VEPH1: variants seen among roughly 807,000 people sequenced by gnomAD.
VEPH1 encodes ventricular zone expressed PH domain containing 1, also known as ventricular zone-expressed PH domain-containing protein homolog 1.
Under a neutral mutation model 85.2 loss-of-function variants are expected in VEPH1, and 80 were observed. The ratio of observed to expected loss-of-function variants is 0.94; its 90% CI spans 0.78 to 1.13. VEPH1 has a LOEUF of 1.13. Ranked by LOEUF, VEPH1 falls within the 50% of genes most tolerant of loss-of-function variation. The pLI is 0.00. For synonymous variants in VEPH1, 297 were observed against 348.0 expected (o/e 0.85, Z 1.63); for missense variants, 955 against 980.5 (o/e 0.97, Z 0.35).
chr3:157,451,352 T>A (rs1734953846), intron 4 of VEPH1, among the ~76,000 whole-genome samples: 1 of 152,142 alleles, frequency 6.6e-6, no homozygotes, highest in Non-Finnish European at 1.5e-5. Context: ...CTTTAATCCT[T>A]CCTCCAAGAA....
At chr3:157,341,442 C>T (rs1487589258) in intron 9 of VEPH1, among the ~76,000 whole-genome samples, 10 of 152,042 alleles carry the variant, frequency 6.6e-5, no homozygotes, top group Non-Finnish European at 1.5e-4. Context: ...AAGATCAAAT[C>T]AATGGAACGA....
chr3:157,354,557 T>G (rs1725219201), intron 9 of VEPH1, among the ~76,000 whole-genome samples: 1 of 152,162 alleles, frequency 6.6e-6, no homozygotes, highest in African/African-American at 2.4e-5. Context: ...ATGTCTCCAT[T>G]GCAAAATCAC....
At chr3:157,425,188 T>C (rs893547423) in intron 5 of VEPH1, among the ~76,000 whole-genome samples, 3 of 152,192 alleles carry the variant, frequency 2.0e-5, no homozygotes, top group Non-Finnish European at 4.4e-5. Flanking sequence ...TTCCATGTGG[T>C]GTTGATCCTG....
intron 11 of VEPH1, among the ~76,000 whole-genome samples, chr3:157,302,954 T>G (rs1718994002): frequency 6.6e-6 from 1 of 151,678 alleles, no homozygotes; most frequent in African/African-American, 2.4e-5. Flanking sequence ...ATTTTTCATC[T>G]CGTCCTTTAA....
intron 2 of VEPH1, among the ~76,000 whole-genome samples, chr3:157,486,809 G>A (rs9859018): frequency 0.28 from 42,949 of 151,862 alleles, 6,137 homozygotes; most frequent in South Asian, 0.35. Flanking sequence ...CAACTACTTC[G>A]AAATAACTGA....
Position 157,413,999 on chromosome 3 carries a change from A to C in VEPH1, c.788T>G (p.Val263Gly), listed in dbSNP as rs1378796. The C allele has an allele frequency of 0.12, 185,614 of 1,613,318 alleles. 13,373 individuals carry two copies. The highest frequency in any genetic ancestry group is 0.28 in the South Asian group (25,369 of 91,034). The stretch of plus-strand genomic sequence containing the variant: ...ACTGTTCAAAGCCACTGGCTCATAG[A>C]CTGCTATCTCTATGAGGATGTTTAG... ...IILNILIEIA[V>G]YEPVALNSFL... Residue 263 changes from valine (V) to glycine (G), a missense_variant, in exon 6 of 14, where the codon GTC becomes GGC. Transcript: ENST00000362010.
At position 157,318,416 on chromosome 3, in the gene VEPH1, C is replaced by T. The variant is rs558783762; in HGVS notation, c.1736-1215G>A. Among the ~76,000 whole-genome samples the T allele has an allele frequency of 7.2e-5, 11 of 151,816 alleles. 1 individual carries two copies. In the South Asian group the frequency reaches 1.2e-3, roughly 17 times the overall value. On this transcript the variant is annotated intron_variant, in intron 9 of 13. Coordinates refer to ENST00000362010, the MANE Select transcript of VEPH1 (RefSeq NM_001167912.2). ...TCATCTCAGGGGTTTGAAACCAGCCCGGACAACATGGTGAAACCCCTTCTC... is the reference window on the plus strand; with the variant it reads ...TCATCTCAGGGGTTTGAAACCAGCCTGGACAACATGGTGAAACCCCTTCTC...
At chr3:157,454,489 G>A (rs1400537669) in intron 4 of VEPH1, among the ~76,000 whole-genome samples, 2 of 152,172 alleles carry the variant, frequency 1.3e-5, no homozygotes, top group African/African-American at 4.8e-5. Context: ...TTCTTGGAAG[G>A]CAATAGGCAT....
chr3:157,481,465 CAAAA>C (rs1553796737), intron 2 of VEPH1, among the ~76,000 whole-genome samples: 30 of 63,324 alleles, frequency 4.7e-4, no homozygotes, highest in South Asian at 2.4e-3. Flanking sequence ...CACACACACA[CAAAA>C]AAAAAAAAAA....
intron 9 of VEPH1, among the ~76,000 whole-genome samples, chr3:157,336,896 C>T (rs1723020268): frequency 6.6e-6 from 1 of 152,120 alleles, no homozygotes; most frequent in Admixed American, 6.5e-5. Flanking sequence ...CAACAGAGAC[C>T]ACACAAACTG....
At chr3:157,470,228 G>A (rs1736794158) in intron 3 of VEPH1, 86 bp downstream of exon 3, 1 of 1,211,322 alleles carries the variant, frequency 8.3e-7, no homozygotes, top group Non-Finnish European at 1.2e-6. Flanking sequence ...TGCTGCAGAA[G>A]CATTGGCTCT....
chr3:157,363,834 A>C lies in VEPH1; in HGVS notation c.1338-73T>G, dbSNP rs528896659. 158 of 1,521,684 alleles carry C rather than the reference A, an allele frequency of 1.0e-4. 1 individual carries two copies. In the South Asian group the frequency reaches 1.9e-3, roughly 19 times the overall value. 94.3% of individuals were successfully genotyped at this position (1,521,684 alleles called of 1,614,324 possible). ...CTGACAAGGAAAAGAAATAATAATA[A>C]TATTGGGACAAAAAGTTACTTCCTC... On this transcript the variant is annotated intron_variant, in intron 8 of 13. Coordinates refer to ENST00000362010, the MANE Select transcript of VEPH1 (RefSeq NM_001167912.2).
intron 7 of VEPH1, among the ~76,000 whole-genome samples, chr3:157,367,473 A>G (rs1387938860): frequency 1.3e-5 from 2 of 152,206 alleles, no homozygotes; most frequent in Admixed American, 6.5e-5. Context: ...TTTATTTTCT[A>G]TCCACATTAG....
chr3:157,410,114 C>T (rs76799368), intron 6 of VEPH1, among the ~76,000 whole-genome samples: 1,697 of 152,192 alleles, frequency 0.011, 38 homozygotes, highest in African/African-American at 0.039. Flanking sequence ...AACCCCTAAA[C>T]CCAACAGACA....
chr3:157,489,708 AG>A (rs1739041177), intron 2 of VEPH1, among the ~76,000 whole-genome samples: 1 of 90,726 alleles, frequency 1.1e-5, no homozygotes, highest in African/African-American at 5.3e-5. Context: ...ATGATGTCAG[AG>A]GGCTTTTTTT....
chr3:157,309,330 T>A (rs1559944935), intron 11 of VEPH1, among the ~76,000 whole-genome samples: 1 of 152,190 alleles, frequency 6.6e-6, no homozygotes, highest in Non-Finnish European at 1.5e-5. Flanking sequence ...TCTTTTGTTA[T>A]CAGACAAATA....
chr3:157,471,748 A>G (rs1222958346), intron 2 of VEPH1, among the ~76,000 whole-genome samples: 1 of 148,104 alleles, frequency 6.8e-6, no homozygotes, highest in African/African-American at 2.5e-5. Flanking sequence ...GGTACAATAT[A>G]TTTTTCTATT....
At chr3:157,376,812 G>A (rs1292732732) in intron 7 of VEPH1, among the ~76,000 whole-genome samples, 2 of 152,110 alleles carry the variant, frequency 1.3e-5, no homozygotes, top group East Asian at 3.9e-4. Context: ...CTAAAATCTG[G>A]CCTGCTGGGC....
At chr3:157,325,268 A>T (rs978768626) in intron 9 of VEPH1, among the ~76,000 whole-genome samples, 3 of 151,386 alleles carry the variant, frequency 2.0e-5, no homozygotes, top group Non-Finnish European at 4.4e-5. Context: ...GATTGCAAAA[A>T]TTTTCTCCCA....
Sources: allele counts gnomAD v4.1 joint callset (sites outside exome capture counted in the v4.1 genomes callset), GRCh38; gene constraint gnomAD v4.1.1; transcripts MANE v1.5; gene names NCBI Gene and HGNC (gene_info 2026-07-23, HGNC 2026-07-21).